MYO16: variants seen among roughly 807,000 people sequenced by gnomAD.
MYO16 encodes myosin XVI.
Under a neutral mutation model 205.3 loss-of-function variants are expected in MYO16, and 94 were observed. The ratio of observed to expected loss-of-function variants is 0.46; its 90% CI spans 0.39 to 0.54. The LOEUF (loss-of-function observed/expected upper bound fraction) is 0.54. MYO16 is among the 20% of genes least tolerant of loss of function. The probability of loss-of-function intolerance (pLI) is 0.00; values close to 1 mark genes in which losing one functional copy is unlikely to be tolerated. For missense variants in MYO16, 2,315 were observed against 2,387.5 expected, an observed-to-expected ratio of 0.97 and a Z score of 0.63; for synonymous variants, 988 against 954.0, an observed-to-expected ratio of 1.04 and a Z score of -0.66.
chr13:109,052,659 G>A (rs1350581748), intron 25 of MYO16, among the ~76,000 whole-genome samples, 184 bp downstream of exon 25: 3 of 152,044 alleles, frequency 2.0e-5, no homozygotes, highest in Non-Finnish European at 4.4e-5. Context: ...AGAGGAAGGT[G>A]CAGCAGAGTG....
At chr13:109,157,274 A>T (rs11618532) in intron 32 of MYO16, among the ~76,000 whole-genome samples, 7 of 141,192 alleles carry the variant, frequency 5.0e-5, no homozygotes, top group Non-Finnish European at 6.1e-5. Flanking sequence ...AAAAAACCTT[A>T]TTCTTCACAG....
At chr13:109,169,713 T>C (rs1201891590) in intron 33 of MYO16, among the ~76,000 whole-genome samples, 1 of 152,198 alleles carries the variant, frequency 6.6e-6, no homozygotes, top group East Asian at 1.9e-4. Context: ...AATTTGTAAT[T>C]GAATGCCTTC....
the MYO16 span, among the ~76,000 whole-genome samples, chr13:108,538,094 C>T: frequency 6.6e-6 from 1 of 152,010 alleles, no homozygotes; most frequent in Non-Finnish European, 1.5e-5. Context: ...AGGCCAATGT[C>T]CAGAAGAGTT....
intron 2 of MYO16, among the ~76,000 whole-genome samples, chr13:108,672,225 A>G (rs1237837530): frequency 6.6e-6 from 1 of 152,224 alleles, no homozygotes; most frequent in Non-Finnish European, 1.5e-5. Context: ...TGCACATAAG[A>G]AAAAGTTTTC....
chr13:108,604,690 C>CT (rs1165738020), intron 1 of MYO16, among the ~76,000 whole-genome samples: 1 of 152,244 alleles, frequency 6.6e-6, no homozygotes, highest in Non-Finnish European at 1.5e-5. Flanking sequence ...TAATCCTTGA[C>CT]TTTTTTTATT....
chr13:108,679,234 G>A (rs1882357270), intron 2 of MYO16, among the ~76,000 whole-genome samples: 1 of 152,112 alleles, frequency 6.6e-6, no homozygotes, highest in Non-Finnish European at 1.5e-5. Flanking sequence ...CCACTCAAAT[G>A]TTGCCTAATC....
intron 2 of MYO16, among the ~76,000 whole-genome samples, chr13:108,702,721 G>A (rs938125662): frequency 2.0e-5 from 3 of 152,054 alleles, no homozygotes; most frequent in East Asian, 1.9e-4. Flanking sequence ...ATATAAGTCT[G>A]TTATAAATGA....
chr13:108,525,229 A>G, the MYO16 span, among the ~76,000 whole-genome samples: 4 of 152,216 alleles, frequency 2.6e-5, no homozygotes, highest in Non-Finnish European at 4.4e-5. Flanking sequence ...ATAGTAGTGC[A>G]TTATTGCCTC....
At chr13:108,651,834 C>G (rs1465656262) in intron 1 of MYO16, among the ~76,000 whole-genome samples, 1 of 152,120 alleles carries the variant, frequency 6.6e-6, no homozygotes, top group East Asian at 1.9e-4. Flanking sequence ...CTATATGTTG[C>G]ACACATGTAA....
chr13:108,705,279 C>A (rs139440615), intron 2 of MYO16, among the ~76,000 whole-genome samples: 1,562 of 152,246 alleles, frequency 0.01, 13 homozygotes, highest in Non-Finnish European at 0.013. Context: ...TGTTATCTAA[C>A]CATTGACATC....
At chr13:108,895,511 A>T (rs1256251423) in intron 14 of MYO16, among the ~76,000 whole-genome samples, 1 of 152,226 alleles carries the variant, frequency 6.6e-6, no homozygotes, top group African/African-American at 2.4e-5. Flanking sequence ...AAAGAATGCC[A>T]TGGGGTATTT....
In MYO16 at chr13:108,826,804, GC is replaced by G. The variant is rs780798912; in HGVS notation, c.1097+3528del. 1.0e-3 allele frequency among the ~76,000 whole-genome samples: 153 copies of G among 152,150 alleles called. 3 individuals are homozygous for G. Among genetic ancestry groups the G allele is most frequent in the Non-Finnish European group, 1.5e-4 (10 of 68,006 alleles). On this transcript the variant is annotated intron_variant, in intron 9 of 34. Coordinates refer to ENST00000457511, the MANE Select transcript of MYO16 (RefSeq NM_001198950.3). ...TACTCTACATTATTTATCAGGAAAA[GC>G]CAAATGGAAACCACCATGAGATACC...
chr13:108,831,423 A>C (rs979294276), intron 9 of MYO16, among the ~76,000 whole-genome samples: 1 of 152,224 alleles, frequency 6.6e-6, no homozygotes, highest in African/African-American at 2.4e-5. Context: ...TCTGGTAAGC[A>C]TCATTGTTTC....
the MYO16 span, among the ~76,000 whole-genome samples, chr13:108,544,626 TA>T: frequency 6.6e-6 from 1 of 152,226 alleles, no homozygotes; most frequent in African/African-American, 2.4e-5. Flanking sequence ...ATAAAGAGCT[TA>T]AATATACAAT....
chr13:108,632,753 G>A (rs1228439284), intron 1 of MYO16, among the ~76,000 whole-genome samples: 1 of 152,118 alleles, frequency 6.6e-6, no homozygotes, highest in Non-Finnish European at 1.5e-5. Context: ...AGTAGCTTTA[G>A]ACAGATCTGC....
intron 16 of MYO16, among the ~76,000 whole-genome samples, chr13:108,913,890 A>G (rs1881373798): frequency 6.6e-6 from 1 of 152,142 alleles, no homozygotes; most frequent in South Asian, 2.1e-4. Context: ...GTTCAAATAG[A>G]GCAAACACCA....
At chr13:108,573,398 A>T in the MYO16 span, among the ~76,000 whole-genome samples, 2 of 152,370 alleles carry the variant, frequency 1.3e-5, no homozygotes, top group East Asian at 3.9e-4. Context: ...TAGGACTTTT[A>T]AAAATGCTAC....
intron 9 of MYO16, among the ~76,000 whole-genome samples, chr13:108,829,431 C>T (rs1047879721): frequency 3.9e-5 from 6 of 152,150 alleles, no homozygotes; most frequent in East Asian, 1.9e-4. Flanking sequence ...GTAGGCCTTC[C>T]GCTGGGTGCT....
intron 4 of MYO16, among the ~76,000 whole-genome samples, chr13:108,774,671 C>G (rs1886071810): frequency 1.3e-5 from 2 of 151,956 alleles, no homozygotes; most frequent in South Asian, 4.1e-4. Context: ...ACTTCTTTCA[C>G]TAAGACAAAG....
Sources: allele counts gnomAD v4.1 joint callset (sites outside exome capture counted in the v4.1 genomes callset), GRCh38; gene constraint gnomAD v4.1.1; transcripts MANE v1.5; gene names NCBI Gene and HGNC (gene_info 2026-07-23, HGNC 2026-07-21).